The following MRTFA variants were observed in gnomAD, a reference collection of about 807,000 sequenced individuals.
MRTFA encodes myocardin-related transcription factor A.
Under a neutral mutation model 83.5 loss-of-function variants are expected in MRTFA, and 20 were observed. The observed-to-expected ratio is 0.24, with a 90% confidence interval of 0.17 to 0.35. MRTFA has a LOEUF of 0.35. MRTFA is among the 10% of genes least tolerant of loss of function. The pLI is 1.00. For synonymous variants in MRTFA, 659 were observed against 541.2 expected (o/e 1.22, Z -3.02); for missense variants, 1,200 against 1,224.7 (o/e 0.98, Z 0.30).
chr22:40,541,524 G>A (rs2055290344), intron 3 of MRTFA, among the ~76,000 whole-genome samples: 2 of 152,130 alleles, frequency 1.3e-5, no homozygotes, highest in Admixed American at 1.3e-4. Flanking sequence ...CAGGTCCTGA[G>A]GCAGCTTCCA....
chr22:40,480,805 G>A (rs1375203168), intron 3 of MRTFA, among the ~76,000 whole-genome samples: 3 of 142,488 alleles, frequency 2.1e-5, no homozygotes, highest in Non-Finnish European at 4.5e-5. Context: ...CTGGAGTGCA[G>A]TGGCGCGATC....
chr22:40,418,891 G>A lies in MRTFA; in HGVS notation c.1847C>T (p.Ala616Val), dbSNP rs762204984. 3.2e-5 allele frequency: 52 copies of A among 1,612,338 alleles called. No individual in the cohort carries two copies. The highest frequency in any genetic ancestry group is 9.3e-5 in the African/African-American group (7 of 74,872). The change falls in exon 12 of 15, where the codon GCG becomes GTG. Residue 616 changes from alanine to valine, a missense_variant. Around this residue, in one of 2 missense-constraint regions of MRTFA, gnomAD observed 1,107 missense variants for 1,041.8 expected, o/e 1.06. Transcript: ENST00000355630. Reference sequence around the variant, plus strand: ...GTCCTTGTCGCGCCCCTCTAGCTCCGCCCGCCCCCCAGGGCTCAGGCAACA... The same window carrying A: ...GTCCTTGTCGCGCCCCTCTAGCTCCACCCGCCCCCCAGGGCTCAGGCAACA...
chr22:40,632,717 T>C (rs972606205), intron 1 of MRTFA, among the ~76,000 whole-genome samples: 10 of 152,222 alleles, frequency 6.6e-5, no homozygotes, highest in African/African-American at 2.4e-4. Flanking sequence ...AATACATGTG[T>C]GAGCCACCGT....
intron 1 of MRTFA, among the ~76,000 whole-genome samples, chr22:40,623,545 A>T (rs548403462): frequency 1.5e-4 from 23 of 151,970 alleles, no homozygotes; most frequent in Admixed American, 1.4e-3. Context: ...TCATTTGACA[A>T]ATATTTATTG....
At chr22:40,457,899 GA>G (rs2053625848) in intron 4 of MRTFA, among the ~76,000 whole-genome samples, 1 of 152,180 alleles carries the variant, frequency 6.6e-6, no homozygotes, top group Non-Finnish European at 1.5e-5. Flanking sequence ...GTCTAGGTCA[GA>G]AAAACTTCCA....
chr22:40,539,042 T>C (rs2147291268), intron 3 of MRTFA, among the ~76,000 whole-genome samples: 1 of 137,486 alleles, frequency 7.3e-6, no homozygotes, highest in African/African-American at 2.7e-5. Context: ...CCACTCAGGC[T>C]AAAATGCAGT....
At chr22:40,493,316 T>C (rs2054299594) in intron 3 of MRTFA, among the ~76,000 whole-genome samples, 1 of 152,196 alleles carries the variant, frequency 6.6e-6, no homozygotes, top group Non-Finnish European at 1.5e-5. Context: ...ACTTGAAAGC[T>C]AAGCGAGGCA....
chr22:40,447,978 A>C (rs2053413203), intron 4 of MRTFA, among the ~76,000 whole-genome samples: 1 of 152,156 alleles, frequency 6.6e-6, no homozygotes, highest in Non-Finnish European at 1.5e-5. Flanking sequence ...ATATTGCTTG[A>C]GCCCAGGAGT....
At chr22:40,484,066 T>A (rs1309121832) in intron 3 of MRTFA, among the ~76,000 whole-genome samples, 1 of 151,684 alleles carries the variant, frequency 6.6e-6, no homozygotes, top group Non-Finnish European at 1.5e-5. Context: ...TGATTAAAAA[T>A]TAGACCATAT....
At chr22:40,611,098 C>T (rs774206953) in intron 1 of MRTFA, among the ~76,000 whole-genome samples, 2 of 151,572 alleles carry the variant, frequency 1.3e-5, no homozygotes, top group African/African-American at 4.8e-5. Context: ...CCACCACGCC[C>T]GGCCGATTTT....
intron 2 of MRTFA, among the ~76,000 whole-genome samples, chr22:40,571,762 C>T (rs576614942): frequency 1.8e-4 from 27 of 149,534 alleles, no homozygotes; most frequent in Non-Finnish European, 3.6e-4. Context: ...ACTAACAAGA[C>T]CAAAAAAAAA....
Position 40,558,264 on chromosome 22 carries a change from T to TG in MRTFA, c.-21-5898_-21-5897insC, listed in dbSNP as rs1327305816. Among the ~76,000 whole-genome samples the TG allele has an allele frequency of 3.6e-5, 5 of 140,154 alleles. No homozygotes were observed. The East Asian group carries it at 1.0e-3, about 29-fold the overall frequency. The allele number at this position is 140,154 out of a possible 152,430, so 91.9% of individuals were successfully genotyped here. On this transcript the variant is annotated intron_variant, in intron 2 of 14. Transcript: ENST00000355630. Reference sequence around the variant, plus strand: ...ATGCCTGGCTTTTTTTTTTTTTTTTTTTTTTTTTTTGCAAGGGGTTGGGGA... The same window carrying TG: ...ATGCCTGGCTTTTTTTTTTTTTTTTTGTTTTTTTTTTGCAAGGGGTTGGGGA...
At chr22:40,478,487 C>T (rs183700208) in intron 3 of MRTFA, among the ~76,000 whole-genome samples, 45 of 152,268 alleles carry the variant, frequency 3.0e-4, no homozygotes, top group African/African-American at 9.6e-4. Context: ...TCAAAACCCA[C>T]GGAGGGCCTT....
At chr22:40,550,210 C>A (rs755101919) in intron 3 of MRTFA, among the ~76,000 whole-genome samples, 2 of 149,774 alleles carry the variant, frequency 1.3e-5, no homozygotes, top group Non-Finnish European at 3.0e-5. Context: ...TTCTACTTTA[C>A]GTTTAAATTT....
At chr22:40,576,051 C>T (rs1242628204) in intron 2 of MRTFA, among the ~76,000 whole-genome samples, 3 of 130,016 alleles carry the variant, frequency 2.3e-5, no homozygotes, top group African/African-American at 5.6e-5. Flanking sequence ...TTTTTTGAGA[C>T]GGAGTCTTGT....
chr22:40,487,288 G>A (rs1386547817), intron 3 of MRTFA, among the ~76,000 whole-genome samples: 1 of 152,142 alleles, frequency 6.6e-6, no homozygotes. Context: ...TTGGTACTAA[G>A]TATGACATAG....
chr22:40,417,849 G>A, intron 12 of MRTFA: 1 of 271,124 alleles, frequency 3.7e-6, no homozygotes, highest in South Asian at 5.0e-5. Flanking sequence ...CTACCCCCAA[G>A]TTCTGCAGGA....
chr22:40,610,234 G>C (rs376985417), intron 1 of MRTFA, among the ~76,000 whole-genome samples: 2 of 151,784 alleles, frequency 1.3e-5, no homozygotes, highest in African/African-American at 4.8e-5. Context: ...TTTTAGTAGA[G>C]ATAAGGTTTC....
At chr22:40,629,541 C>T (rs1285404931) in intron 1 of MRTFA, among the ~76,000 whole-genome samples, 2 of 151,670 alleles carry the variant, frequency 1.3e-5, no homozygotes, top group African/African-American at 4.8e-5. Context: ...GCGGATGGAT[C>T]GCCTGAGGTC....
Sources: allele counts gnomAD v4.1 joint callset (sites outside exome capture counted in the v4.1 genomes callset), GRCh38; gene constraint gnomAD v4.1.1; regional missense constraint gnomAD v4.1.1; transcripts MANE v1.5; gene names NCBI Gene and HGNC (gene_info 2026-07-23, HGNC 2026-07-21).